Variants in ITPRID1 observed in about 807,000 individuals in gnomAD.
ITPRID1 encodes the protein protein ITPRID1.
A neutral mutation model predicts 95.4 loss-of-function variants in ITPRID1; 96 were observed. That is an observed-to-expected ratio of 1.01 (90% CI 0.85 to 1.19). The LOEUF (loss-of-function observed/expected upper bound fraction) is 1.19. Among genes scored for constraint, ITPRID1 ranks in the 50% most tolerant of loss-of-function variants. The pLI, the probability that ITPRID1 is intolerant of heterozygous loss-of-function variation, is 0.00. For synonymous variants in ITPRID1, 510 were observed against 453.6 expected, an observed-to-expected ratio of 1.12 and a Z score of -1.58; for missense variants, 1,339 against 1,252.9, an observed-to-expected ratio of 1.07 and a Z score of -1.04.
chr7:31,598,210 T>C (rs1191320971), intron 10 of ITPRID1, among the ~76,000 whole-genome samples: 1 of 152,030 alleles, frequency 6.6e-6, no homozygotes, highest in East Asian at 1.9e-4. Flanking sequence ...AACAATTTCT[T>C]AAACAGGACA....
At chr7:31,525,167 C>A (rs531173224) in intron 1 of ITPRID1, among the ~76,000 whole-genome samples, 1 of 152,202 alleles carries the variant, frequency 6.6e-6, no homozygotes, top group Non-Finnish European at 1.5e-5. Flanking sequence ...AAAGAAGCAT[C>A]TGCACTGTAT....
At chr7:31,621,946 G>A (rs558357121) in intron 10 of ITPRID1, among the ~76,000 whole-genome samples, 1 of 148,238 alleles carries the variant, frequency 6.7e-6, no homozygotes, top group Non-Finnish European at 1.5e-5. Context: ...AAAGGCAGGG[G>A]TTGCAATCCT....
chr7:31,554,001 A>T (rs770381222), intron 3 of ITPRID1, among the ~76,000 whole-genome samples: 1 of 152,176 alleles, frequency 6.6e-6, no homozygotes, highest in Non-Finnish European at 1.5e-5. Context: ...TGTCCCTGGA[A>T]TGAATGCAAA....
Position 31,570,553 on chromosome 7 carries a change from C to T in ITPRID1, c.308+744C>T, listed in dbSNP as rs76851959. On this transcript the variant is annotated intron_variant, in intron 6 of 14. Transcript: ENST00000615280. Reference sequence around the variant, plus strand: ...CAGTACTGCATCCCCCTGCTGCTACCAATTCACCCCTAAAATGCTATTTGT... The same window carrying T: ...CAGTACTGCATCCCCCTGCTGCTACTAATTCACCCCTAAAATGCTATTTGT... Among the ~76,000 whole-genome samples the T allele has an allele frequency of 4.7e-3, 713 of 152,282 alleles. 7 individuals carry two copies. The highest frequency in any genetic ancestry group is 0.016 in the African/African-American group (678 of 41,564).
At chr7:31,586,577 T>C (rs1227804482) in intron 10 of ITPRID1, among the ~76,000 whole-genome samples, 2 of 151,536 alleles carry the variant, frequency 1.3e-5, no homozygotes, top group Non-Finnish European at 3.0e-5. Flanking sequence ...GATTTGCATT[T>C]CTCTGATGGC....
rs1231369018 is a variant in ITPRID1 at position 31,563,872 on chromosome 7, G to A, written c.257-5886G>A. 2.0e-5 allele frequency among the ~76,000 whole-genome samples: 3 copies of A among 152,180 alleles called. No individual in the cohort carries two copies. The East Asian group carries it at 5.8e-4, about 29-fold the overall frequency. On this transcript the variant is annotated intron_variant, in intron 5 of 14. Transcript: ENST00000615280. ...TTTAAGGTTTTGAGCATGAATGTCA[G>A]CAGAGTGTAAGAGACTTTCTTTTAA...
At chr7:31,516,727 C>T (rs930190496) in intron 1 of ITPRID1, among the ~76,000 whole-genome samples, 2 of 152,098 alleles carry the variant, frequency 1.3e-5, no homozygotes, top group Non-Finnish European at 2.9e-5. Context: ...AAGTTTTTAA[C>T]AGAACCTCCA....
At chr7:31,651,579 A>G (rs1790954978) in intron 13 of ITPRID1, among the ~76,000 whole-genome samples, 1 of 152,116 alleles carries the variant, frequency 6.6e-6, no homozygotes, top group South Asian at 2.1e-4. Flanking sequence ...AGTTTTGAAA[A>G]TCTGCATTGG....
intron 5 of ITPRID1, among the ~76,000 whole-genome samples, chr7:31,567,804 T>C (rs1423453229): frequency 3.3e-5 from 5 of 152,178 alleles, no homozygotes; most frequent in Non-Finnish European, 5.9e-5. Flanking sequence ...CTTCTTTAAA[T>C]TGTAGTCCTG....
At chr7:31,658,374 A>G (rs1791389907), downstream of ITPRID1, 6 of 1,517,736 alleles carry the variant, frequency 4.0e-6, no homozygotes, top group Non-Finnish European at 5.3e-6. Context: ...TGAAGACACA[A>G]GACTCTGGTC....
intron 10 of ITPRID1, among the ~76,000 whole-genome samples, chr7:31,588,448 C>A (rs1120598): frequency 6.6e-6 from 1 of 150,856 alleles, no homozygotes; most frequent in East Asian, 2.0e-4. Flanking sequence ...CTGGCCAATA[C>A]GGTGAAACTC....
In ITPRID1 at chr7:31,587,162, T is replaced by C. The variant is rs567435449; in HGVS notation, c.1228+3971T>C. ...AGGGCAATTAGGCAGGAGAAGGAAA[T>C]AAAGGGTATTCAATTAGGAAAAGAG... is the stretch of plus-strand genomic sequence containing the variant. On this transcript the variant is annotated intron_variant, in intron 10 of 14. Coordinates refer to ENST00000615280, the MANE Select transcript of ITPRID1 (RefSeq NM_001257967.3). Among the ~76,000 whole-genome samples, 271 of 152,172 alleles carry C rather than the reference T, an allele frequency of 1.8e-3. 2 individuals carry two copies. The highest frequency in any genetic ancestry group is 6.8e-3 in the Middle Eastern group (2 of 294).
At chr7:31,587,216 A>T (rs1785653662) in intron 10 of ITPRID1, among the ~76,000 whole-genome samples, 1 of 152,200 alleles carries the variant, frequency 6.6e-6, no homozygotes, top group South Asian at 2.1e-4. Context: ...TTTGCAGATG[A>T]TATGATTGTA....
chr7:31,597,687 A>G (rs572512704), intron 10 of ITPRID1, among the ~76,000 whole-genome samples: 9 of 152,164 alleles, frequency 5.9e-5, no homozygotes, highest in Non-Finnish European at 8.8e-5. Context: ...ACTCCATATC[A>G]AAAAGAAATA....
chr7:31,594,755 G>A (rs1025839562), intron 10 of ITPRID1, among the ~76,000 whole-genome samples: 10 of 152,036 alleles, frequency 6.6e-5, no homozygotes, highest in Non-Finnish European at 1.3e-4. Context: ...TACTTGGAAG[G>A]CTGAGGCAGA....
At chr7:31,578,571 G>T in intron 9 of ITPRID1, 137 bp downstream of exon 9, 1 of 625,246 alleles carries the variant, frequency 1.6e-6, no homozygotes, top group Non-Finnish European at 2.6e-6. Context: ...TCAGTTTAGT[G>T]ATTTAAAGTC....
At chr7:31,625,803 G>T (rs1204585426) in intron 10 of ITPRID1, among the ~76,000 whole-genome samples, 2 of 148,516 alleles carry the variant, frequency 1.3e-5, no homozygotes, top group Admixed American at 6.8e-5. Context: ...ATTAGAATAA[G>T]CTTTCCTTAG....
chr7:31,563,015 T>G (rs539863000), intron 5 of ITPRID1, among the ~76,000 whole-genome samples: 8 of 152,294 alleles, frequency 5.3e-5, no homozygotes, highest in African/African-American at 1.9e-4. Flanking sequence ...CTGACAAAAT[T>G]ATAAACCCCA....
chr7:31,614,931 C>T (rs1331990753), intron 10 of ITPRID1, among the ~76,000 whole-genome samples: 1 of 152,158 alleles, frequency 6.6e-6, no homozygotes, highest in African/African-American at 2.4e-5. Context: ...ATGAACACCA[C>T]ACCTCACTGA....
Sources: allele counts gnomAD v4.1 joint callset (sites outside exome capture counted in the v4.1 genomes callset), GRCh38; gene constraint gnomAD v4.1.1; transcripts MANE v1.5; gene names NCBI Gene and HGNC (gene_info 2026-07-23, HGNC 2026-07-21).